The following MBD5 variants were observed in gnomAD, a reference collection of about 807,000 sequenced individuals.
MBD5 encodes the protein methyl-CpG binding domain protein 5, also known as methyl-CpG-binding domain protein 5.
Under a neutral mutation model 117.3 loss-of-function variants are expected in MBD5, and 13 were observed. The ratio of observed to expected loss-of-function variants is 0.11; its 90% CI spans 0.07 to 0.18. The LOEUF is 0.18. MBD5 is among the 10% of genes least tolerant of loss of function. MBD5 has a pLI of 1.00. For missense variants in MBD5, 1,879 were observed against 2,093.8 expected (o/e 0.90, Z 2.00); for synonymous variants, 727 against 766.4 (o/e 0.95, Z 0.85).
At chr2:148,451,797 G>C (rs1175482204) in intron 4 of MBD5, among the ~76,000 whole-genome samples, 1 of 152,126 alleles carries the variant, frequency 6.6e-6, no homozygotes, top group Non-Finnish European at 1.5e-5. Context: ...TAGGAATAGA[G>C]TGGACTTCTT....
chr2:148,435,163 G>A (rs1706118151), intron 4 of MBD5, among the ~76,000 whole-genome samples: 1 of 152,080 alleles, frequency 6.6e-6, no homozygotes, highest in Non-Finnish European at 1.5e-5. Flanking sequence ...ATCACTGCAT[G>A]TGAGATGGAT....
chr2:148,339,150 C>T (rs1702875499), intron 3 of MBD5, among the ~76,000 whole-genome samples: 1 of 152,182 alleles, frequency 6.6e-6, no homozygotes, highest in Non-Finnish European at 1.5e-5. Flanking sequence ...TCATTCTTGG[C>T]ACCGGACATA....
At chr2:148,204,737 CTAAAGACAGTTTTGAACTCAACAAATA>C (rs1209762116) in intron 2 of MBD5, among the ~76,000 whole-genome samples, 26 of 152,206 alleles carry the variant, frequency 1.7e-4, no homozygotes, top group South Asian at 2.1e-4. Flanking sequence ...AGTTTAAATA[CTAAAGACAGTTTTGAACTCAACAAATA>C]TAAAGACAGT....
At chr2:148,079,895 AC>A (rs1695605184) in intron 1 of MBD5, among the ~76,000 whole-genome samples, 6 of 151,372 alleles carry the variant, frequency 4.0e-5, no homozygotes, top group African/African-American at 1.5e-4. Context: ...AACAACAACA[AC>A]AACAACAAAA....
At position 148,469,847 on chromosome 2, in the gene MBD5, G is replaced by A; in HGVS notation, c.1904G>A (p.Gly635Asp). Residue 635 changes from glycine to aspartate, a missense_variant, in exon 8 of 14, where the codon GGT (glycine) becomes GAT (aspartate). Coordinates refer to ENST00000642680, the MANE Select transcript of MBD5 (RefSeq NM_001378120.1). ...PPTANMLLPT[G>D]EGQSGRAALR... ...ACTGCCAACATGCTTCTCCCAACAG[G>A]TGAAGGGCAAAGTGGTCGAGCAGCA... 6.2e-7 allele frequency: 1 copy of A among 1,613,936 alleles called. No individual in the cohort carries two copies. The highest frequency in any genetic ancestry group is 8.5e-7 in the Non-Finnish European group (1 of 1,179,908).
At chr2:148,127,083 C>T (rs150622318) in intron 1 of MBD5, among the ~76,000 whole-genome samples, 1,516 of 150,864 alleles carry the variant, frequency 0.01, 26 homozygotes, top group African/African-American at 0.035. Flanking sequence ...TCGGGCGATT[C>T]TCCTGCCCCA....
chr2:148,447,556 T>G (rs1481639508), intron 4 of MBD5: 1 of 152,156 alleles, frequency 6.6e-6, no homozygotes, highest in African/African-American at 2.4e-5. Context: ...TCAAGGTACT[T>G]TCTATTCCAG....
chr2:148,200,870 C>T (rs573455033), intron 2 of MBD5, among the ~76,000 whole-genome samples: 68 of 152,116 alleles, frequency 4.5e-4, no homozygotes, highest in Non-Finnish European at 8.7e-4. Context: ...TTTATTTTAA[C>T]CTATTAAGGC....
intron 1 of MBD5, among the ~76,000 whole-genome samples, chr2:148,083,505 A>G (rs1423080765): frequency 6.6e-6 from 1 of 152,194 alleles, no homozygotes; most frequent in African/African-American, 2.4e-5. Context: ...TAATATGTAT[A>G]TTATTTTAAC....
intron 3 of MBD5, among the ~76,000 whole-genome samples, chr2:148,251,292 C>G (rs1286687330): frequency 6.6e-6 from 1 of 152,128 alleles, no homozygotes; most frequent in African/African-American, 2.4e-5. Context: ...GCCCTTGTTA[C>G]TTGATGTATT....
chr2:148,419,695 C>G (rs186886821), intron 4 of MBD5, among the ~76,000 whole-genome samples: 2 of 152,146 alleles, frequency 1.3e-5, no homozygotes, highest in African/African-American at 4.8e-5. Context: ...ATTTACCTTG[C>G]TTTTTATATG....
intron 1 of MBD5, among the ~76,000 whole-genome samples, chr2:148,165,646 TTAAG>T (rs1436159604): frequency 8.5e-5 from 13 of 152,084 alleles, no homozygotes; most frequent in Non-Finnish European, 8.8e-5. Flanking sequence ...CTGTGCCAAT[TTAAG>T]TTTTTATGTA....
At position 148,377,646 on chromosome 2, in the gene MBD5, C is replaced by T. The variant is rs775737234; in HGVS notation, c.-557+35310C>T. 7.2e-5 allele frequency among the ~76,000 whole-genome samples: 11 copies of T among 152,250 alleles called. No individual in the cohort carries two copies. The South Asian group carries it at 1.0e-3, about 14-fold the overall frequency. On this transcript the variant is annotated intron_variant, in intron 4 of 13. Coordinates refer to ENST00000642680, the MANE Select transcript of MBD5 (RefSeq NM_001378120.1). ...TTCCTCTAAATTATTTTCATCAAAA[C>T]GTAATAAATTATATAAATCTAAAGA...
chr2:148,155,143 A>G (rs10174231), intron 1 of MBD5, among the ~76,000 whole-genome samples: 1,950 of 152,328 alleles, frequency 0.013, 41 homozygotes, highest in African/African-American at 0.045. Context: ...TGAGCGGGAA[A>G]GATTGCTAAG....
chr2:148,385,650 C>T (rs528520725), intron 4 of MBD5, among the ~76,000 whole-genome samples: 11 of 151,990 alleles, frequency 7.2e-5, no homozygotes, highest in Non-Finnish European at 1.5e-4. Context: ...GCTATAAAGA[C>T]ACATGCACAC....
chr2:148,163,716 G>A (rs968975292), intron 1 of MBD5, among the ~76,000 whole-genome samples: 4 of 152,100 alleles, frequency 2.6e-5, no homozygotes, highest in Non-Finnish European at 5.9e-5. Flanking sequence ...ATGCCCAGCC[G>A]AGAATTAAAT....
At chr2:148,111,823 C>G (rs1364244075) in intron 1 of MBD5, among the ~76,000 whole-genome samples, 6 of 151,932 alleles carry the variant, frequency 3.9e-5, no homozygotes. Context: ...AGTTCCAAAC[C>G]CTATATATAC....
In MBD5 at chr2:148,318,743, G is replaced by A. The variant is rs143226342; in HGVS notation, c.-679-23471G>A. On this transcript the variant is annotated intron_variant, in intron 3 of 13. Coordinates refer to ENST00000642680, the MANE Select transcript of MBD5 (RefSeq NM_001378120.1). ...TGTATTTTGGTTTCTTCTTGAGACA[G>A]AATCTCACTCTTTCCCAGGCTGAAG... 3.0e-3 allele frequency among the ~76,000 whole-genome samples: 453 copies of A among 152,148 alleles called. 2 individuals are homozygous for A. Among genetic ancestry groups the A allele is most frequent in the Middle Eastern group, 0.014 (4 of 294 alleles).
At chr2:148,271,628 G>A (rs368908720) in intron 3 of MBD5, among the ~76,000 whole-genome samples, 77 of 151,658 alleles carry the variant, frequency 5.1e-4, no homozygotes, top group African/African-American at 1.7e-3. Flanking sequence ...AATTTCCGTC[G>A]GTATGCTATT....
Sources: allele counts gnomAD v4.1 joint callset (sites outside exome capture counted in the v4.1 genomes callset), GRCh38; gene constraint gnomAD v4.1.1; transcripts MANE v1.5; gene names NCBI Gene and HGNC (gene_info 2026-07-23, HGNC 2026-07-21).